TENM3: variants seen among roughly 807,000 people sequenced by gnomAD.
TENM3 encodes teneurin transmembrane protein 3, also known as teneurin-3.
In TENM3, 63 loss-of-function variants were observed where a neutral mutation model predicts 255.1. The ratio of observed to expected loss-of-function variants is 0.25; its 90% CI spans 0.20 to 0.30. The LOEUF (loss-of-function observed/expected upper bound fraction) is 0.30. Among genes scored for constraint, TENM3 ranks in the 10% least tolerant of loss-of-function variants. The pLI is 1.00. For synonymous variants in TENM3, 1,306 were observed against 1,322.3 expected (o/e 0.99, Z 0.27); for missense variants, 2,929 against 3,461.1 (o/e 0.85, Z 3.86).
intron 5 of TENM3, among the ~76,000 whole-genome samples, chr4:182,632,162 A>G (rs1224961749): frequency 6.6e-6 from 1 of 152,178 alleles, no homozygotes; most frequent in Non-Finnish European, 1.5e-5. Context: ...TTTCTCACAT[A>G]TCATTCATTA....
At chr4:181,545,220 T>A in the TENM3 span, among the ~76,000 whole-genome samples, 1 of 152,240 alleles carries the variant, frequency 6.6e-6, no homozygotes, top group Non-Finnish European at 1.5e-5. Flanking sequence ...TTGTGTGTTC[T>A]GTTTATCTCA....
At chr4:182,771,713 G>A (rs1172739836) in intron 22 of TENM3, among the ~76,000 whole-genome samples, 1 of 152,132 alleles carries the variant, frequency 6.6e-6, no homozygotes, top group African/African-American at 2.4e-5. Flanking sequence ...AAACCAGTGC[G>A]TGTTTGTTTC....
chr4:182,508,498 C>T (rs922130761), intron 3 of TENM3, among the ~76,000 whole-genome samples: 1 of 152,174 alleles, frequency 6.6e-6, no homozygotes, highest in Non-Finnish European at 1.5e-5. Flanking sequence ...ATTTCAACTT[C>T]ATGAAATCCA....
chr4:182,703,640 G>T (rs959041691), intron 12 of TENM3, among the ~76,000 whole-genome samples: 1 of 152,092 alleles, frequency 6.6e-6, no homozygotes, highest in African/African-American at 2.4e-5. Flanking sequence ...AATCACCTTT[G>T]AGAACAGCCA....
At chr4:181,648,880 A>G in the TENM3 span, among the ~76,000 whole-genome samples, 4 of 152,182 alleles carry the variant, frequency 2.6e-5, no homozygotes, top group Non-Finnish European at 5.9e-5. Flanking sequence ...TTGTGCATGA[A>G]CATGGACAAG....
intron 3 of TENM3, among the ~76,000 whole-genome samples, chr4:182,557,220 G>A (rs1409535325): frequency 6.6e-6 from 1 of 152,026 alleles, no homozygotes; most frequent in African/African-American, 2.4e-5. Flanking sequence ...CTGTTCATAG[G>A]GTCAGAGCAA....
chr4:181,763,681 C>T, the TENM3 span, among the ~76,000 whole-genome samples: 3 of 152,172 alleles, frequency 2.0e-5, no homozygotes, highest in Non-Finnish European at 4.4e-5. Context: ...CTTGCAAAGC[C>T]TAAAATATCT....
intron 3 of TENM3, among the ~76,000 whole-genome samples, chr4:182,381,577 C>A (rs1455422675): frequency 2.7e-5 from 4 of 147,512 alleles, no homozygotes; most frequent in African/African-American, 1.0e-4. Context: ...CCCTCCCCTC[C>A]GGAGTTTTGC....
chr4:182,221,003 A>G (rs996405091), intron 1 of TENM3, among the ~76,000 whole-genome samples: 5 of 152,262 alleles, frequency 3.3e-5, no homozygotes, highest in Non-Finnish European at 7.3e-5. Flanking sequence ...TTAATCAGAA[A>G]TAATGAAGAT....
chr4:182,801,463 C>G lies in TENM3; in HGVS notation c.*1112C>G, dbSNP rs539656292. 3.3e-5 allele frequency: 5 copies of G among 152,324 alleles called. No individual in the cohort carries two copies. The highest frequency in any genetic ancestry group is 1.9e-4 in the East Asian group (1 of 5,196). 9.4% of individuals were successfully genotyped at this position (152,324 alleles called of 1,614,324 possible). ...TTGAAAAAACGGGAGGAAGGGTTCT[C>G]TGGCCCTCTCTCAACCTTGCAAGTC... On this transcript the variant is annotated 3_prime_UTR_variant, in exon 28 of 28. Transcript: ENST00000511685.
At chr4:182,443,967 C>T (rs11132127) in intron 3 of TENM3, among the ~76,000 whole-genome samples, 2,642 of 152,204 alleles carry the variant, frequency 0.017, 64 homozygotes, top group East Asian at 0.095. Context: ...AGAGAACTCA[C>T]CTTTAGAAAT....
intron 1 of TENM3, among the ~76,000 whole-genome samples, chr4:182,169,124 A>G (rs1751931143): frequency 6.7e-6 from 1 of 149,514 alleles, no homozygotes; most frequent in Non-Finnish European, 1.5e-5. Flanking sequence ...AATGAATGCC[A>G]TCTTCTAAGA....
chr4:182,447,030 C>T (rs1772978118), intron 3 of TENM3, among the ~76,000 whole-genome samples: 1 of 152,012 alleles, frequency 6.6e-6, no homozygotes, highest in African/African-American at 2.4e-5. Flanking sequence ...TTTTTTGACC[C>T]AATTTACTAA....
At chr4:182,786,369 C>A (rs1765654627) in intron 24 of TENM3, among the ~76,000 whole-genome samples, 1 of 151,980 alleles carries the variant, frequency 6.6e-6, no homozygotes, top group South Asian at 2.1e-4. Flanking sequence ...CCAGCCTGGC[C>A]AACATGGTGA....
At chr4:182,159,287 G>A (rs1367763737) in intron 1 of TENM3, among the ~76,000 whole-genome samples, 1 of 152,228 alleles carries the variant, frequency 6.6e-6, no homozygotes, top group Non-Finnish European at 1.5e-5. Flanking sequence ...TTTGGAGACT[G>A]AAGTTGAAGT....
At chr4:182,099,699 C>T in the TENM3 span, among the ~76,000 whole-genome samples, 2 of 151,978 alleles carry the variant, frequency 1.3e-5, no homozygotes, top group African/African-American at 4.8e-5. Context: ...ACAGGGCCTG[C>T]GAAGACTCGA....
At chr4:182,044,812 G>A in the TENM3 span, among the ~76,000 whole-genome samples, 1 of 152,172 alleles carries the variant, frequency 6.6e-6, no homozygotes. Context: ...AAAAGGGAAG[G>A]GGAAAGGGAA....
At chr4:182,362,199 C>T (rs1039900565) in intron 3 of TENM3, among the ~76,000 whole-genome samples, 8 of 152,160 alleles carry the variant, frequency 5.3e-5, no homozygotes, top group South Asian at 2.1e-4. Context: ...GCAGTCTGCC[C>T]GTTCTCAGAT....
chr4:182,745,629 A>G (rs376123873), intron 19 of TENM3, among the ~76,000 whole-genome samples: 5 of 152,168 alleles, frequency 3.3e-5, no homozygotes, highest in African/African-American at 2.4e-5. Flanking sequence ...CCCAAAATAC[A>G]TATCTAAGAA....
Sources: allele counts gnomAD v4.1 joint callset (sites outside exome capture counted in the v4.1 genomes callset), GRCh38; gene constraint gnomAD v4.1.1; transcripts MANE v1.5; gene names NCBI Gene and HGNC (gene_info 2026-07-23, HGNC 2026-07-21).